The following GRIK2 variants were observed in gnomAD, a reference collection of about 807,000 sequenced individuals.
The protein encoded by GRIK2 is glutamate ionotropic receptor kainate type subunit 2, also known as glutamate receptor ionotropic, kainate 2.
Under a neutral mutation model 100.3 loss-of-function variants are expected in GRIK2, and 32 were observed. The ratio of observed to expected loss-of-function variants is 0.32; its 90% CI spans 0.24 to 0.43. The LOEUF (loss-of-function observed/expected upper bound fraction) is 0.43. Ranked by LOEUF, GRIK2 falls within the 20% of genes least tolerant of loss-of-function variation. GRIK2 has a pLI of 1.00. For synonymous variants in GRIK2, 417 were observed against 389.4 expected (o/e 1.07, Z -0.83); for missense variants, 843 against 1,114.9 (o/e 0.76, Z 3.47).
chr6:101,875,168 T>C (rs995088996), intron 11 of GRIK2, among the ~76,000 whole-genome samples: 6 of 152,094 alleles, frequency 3.9e-5, no homozygotes, highest in Admixed American at 1.3e-4. Context: ...ATCCCTGCCT[T>C]GTGTAAACTG....
At chr6:101,743,961 G>A (rs959213073) in intron 7 of GRIK2, among the ~76,000 whole-genome samples, 1 of 151,786 alleles carries the variant, frequency 6.6e-6, no homozygotes, top group African/African-American at 2.4e-5. Flanking sequence ...TTTTTATTTT[G>A]AGATGGAGTC....
At chr6:101,622,853 T>C (rs1333327423) in intron 3 of GRIK2, among the ~76,000 whole-genome samples, 3 of 152,004 alleles carry the variant, frequency 2.0e-5, no homozygotes, top group Admixed American at 2.0e-4. Flanking sequence ...TATTAAAGCA[T>C]TTATTTTAAC....
chr6:101,494,016 TAAA>T (rs1371191410), intron 2 of GRIK2, among the ~76,000 whole-genome samples: 1 of 100,322 alleles, frequency 1.0e-5, no homozygotes, highest in Non-Finnish European at 1.9e-5. Flanking sequence ...ATATTATATA[TAAA>T]AATTATATAT....
intron 7 of GRIK2, among the ~76,000 whole-genome samples, chr6:101,687,104 T>C (rs1311143185): frequency 6.6e-6 from 1 of 152,080 alleles, no homozygotes; most frequent in Non-Finnish European, 1.5e-5. Flanking sequence ...AATTATGACT[T>C]CAGACATTTT....
chr6:101,690,255 A>G (rs1012099142), intron 7 of GRIK2, among the ~76,000 whole-genome samples: 4 of 152,168 alleles, frequency 2.6e-5, no homozygotes, highest in East Asian at 1.9e-4. Flanking sequence ...ATAATACCAC[A>G]TATTTCCTTG....
At chr6:101,803,169 A>G (rs1004797688) in intron 9 of GRIK2, among the ~76,000 whole-genome samples, 2 of 151,902 alleles carry the variant, frequency 1.3e-5, no homozygotes, top group African/African-American at 4.8e-5. Flanking sequence ...GAGAAAAATT[A>G]TATGTGACTG....
chr6:101,510,231 G>A (rs140175558), intron 2 of GRIK2, among the ~76,000 whole-genome samples: 123 of 152,250 alleles, frequency 8.1e-4, no homozygotes, highest in African/African-American at 2.9e-3. Context: ...AGGAGAGTGA[G>A]GGCTTCCACA....
intron 2 of GRIK2, among the ~76,000 whole-genome samples, chr6:101,455,747 G>A (rs1186824955): frequency 2.6e-5 from 4 of 152,028 alleles, no homozygotes; most frequent in East Asian, 3.9e-4. Context: ...CCAGATTAAT[G>A]TTGAGTCTCT....
chr6:101,704,004 G>C (rs1773082152), intron 7 of GRIK2, among the ~76,000 whole-genome samples: 1 of 151,794 alleles, frequency 6.6e-6, no homozygotes, highest in Non-Finnish European at 1.5e-5. Flanking sequence ...GAAGGTTTAA[G>C]AAGGGGCAAT....
Position 101,464,497 on chromosome 6 carries a change from C to CTTTTTTTTTTTTTTTTTT in GRIK2, c.115+65126_115+65143dup, listed in dbSNP as rs71028069. Among the ~76,000 whole-genome samples the CTTTTTTTTTTTTTTTTTT allele has an allele frequency of 9.7e-5, 6 of 62,038 alleles. 1 individual carries two copies. The highest frequency in any genetic ancestry group is 2.2e-4 in the Admixed American group (1 of 4,632). 40.7% of individuals were successfully genotyped at this position (62,038 alleles called of 152,430 possible). On this transcript the variant is annotated intron_variant, in intron 2 of 16. Transcript: ENST00000369134. ...TAATTTTTACCTTTTCTTTTTCTTT[C>CTTTTTTTTTTTTTTTTTT]TTTTTTTTTTTTTTTTTTTTTTTTT...
At chr6:101,886,820 CTTTTTTTT>C (rs3054431) in intron 11 of GRIK2, among the ~76,000 whole-genome samples, 6 of 73,310 alleles carry the variant, frequency 8.2e-5, no homozygotes, top group Non-Finnish European at 1.2e-4. Flanking sequence ...TTCTTTCTAC[CTTTTTTTT>C]TTTTTTTTTT....
At chr6:101,908,565 C>T (rs1046326687) in intron 12 of GRIK2, among the ~76,000 whole-genome samples, 62 of 150,530 alleles carry the variant, frequency 4.1e-4, no homozygotes, top group African/African-American at 1.5e-3. Flanking sequence ...TTAATGTTAC[C>T]ATAAAAAAGA....
At chr6:101,637,015 T>C (rs1427882355) in intron 4 of GRIK2, among the ~76,000 whole-genome samples, 1 of 152,114 alleles carries the variant, frequency 6.6e-6, no homozygotes, top group Non-Finnish European at 1.5e-5. Flanking sequence ...ATAAAAATTA[T>C]TTTGCTTTGG....
At chr6:101,462,200 A>ATGTATAG (rs1409204901) in intron 2 of GRIK2, among the ~76,000 whole-genome samples, 2 of 152,244 alleles carry the variant, frequency 1.3e-5, no homozygotes, top group African/African-American at 4.8e-5. Context: ...TTATGGTAGA[A>ATGTATAG]CTATACATTG....
intron 7 of GRIK2, among the ~76,000 whole-genome samples, chr6:101,726,295 T>C (rs1774860106): frequency 6.6e-6 from 1 of 152,032 alleles, no homozygotes; most frequent in African/African-American, 2.4e-5. Context: ...GCAAAGATAG[T>C]GTCTGTTGAT....
At chr6:101,915,828 TG>T (rs1402333027) in intron 12 of GRIK2, among the ~76,000 whole-genome samples, 3 of 151,532 alleles carry the variant, frequency 2.0e-5, no homozygotes, top group African/African-American at 7.2e-5. Flanking sequence ...TAAAAATTAA[TG>T]GTTTTGAAAA....
chr6:101,932,665 T>C (rs190958303), intron 14 of GRIK2, among the ~76,000 whole-genome samples: 46 of 152,004 alleles, frequency 3.0e-4, no homozygotes, highest in Admixed American at 7.9e-4. Context: ...CATACTCTAC[T>C]GCACAGCAGG....
intron 4 of GRIK2, among the ~76,000 whole-genome samples, chr6:101,669,554 G>A (rs895185670): frequency 9.2e-5 from 14 of 152,010 alleles, no homozygotes; most frequent in Admixed American, 6.6e-5. Context: ...TCTGCAATTG[G>A]CATTTTTAGA....
At chr6:101,904,711 A>G (rs1468002567) in intron 12 of GRIK2, among the ~76,000 whole-genome samples, 2 of 151,660 alleles carry the variant, frequency 1.3e-5, no homozygotes, top group East Asian at 3.9e-4. Flanking sequence ...GGAAGCAAGC[A>G]TATGATTAAT....
Sources: gnomAD v4.1 joint callset for allele counts (sites outside exome capture counted in the v4.1 genomes callset) on GRCh38, gnomAD v4.1.1 for gene constraint, MANE v1.5 for transcripts, NCBI Gene and HGNC (gene_info 2026-07-23, HGNC 2026-07-21) for gene names.